UBA6: variants seen among roughly 807,000 people sequenced by gnomAD.
UBA6 encodes ubiquitin-like modifier-activating enzyme 6.
UBA6 carries 87 observed loss-of-function variants against 148.3 expected under a neutral mutation model. The ratio of observed to expected loss-of-function variants is 0.59; its 90% CI spans 0.49 to 0.70. The LOEUF (loss-of-function observed/expected upper bound fraction) is 0.70. Ranked by LOEUF, UBA6 falls within the 30% of genes least tolerant of loss-of-function variation. The pLI, the probability that UBA6 is intolerant of heterozygous loss-of-function variation, is 0.00. For missense variants in UBA6, 1,186 were observed against 1,241.2 expected (o/e 0.96, Z 0.67); for synonymous variants, 376 against 401.0 (o/e 0.94, Z 0.75).
intron 13 of UBA6, among the ~76,000 whole-genome samples, chr4:67,658,233 A>G (rs1729751204): frequency 6.6e-6 from 1 of 152,160 alleles, no homozygotes. Context: ...TATAAAGACA[A>G]ATTCACACGT....
chr4:67,668,425 A>C, intron 9 of UBA6, 126 bp downstream of exon 9: 1 of 837,778 alleles, frequency 1.2e-6, no homozygotes, highest in East Asian at 2.6e-5. Context: ...ACTTGGATCG[A>C]ATATTTTGAG....
chr4:67,639,054 A>C lies in UBA6; in HGVS notation c.1625T>G (p.Leu542Arg). 6.2e-7 allele frequency: 1 copy of C among 1,613,554 alleles called. No homozygotes were observed. Among genetic ancestry groups the C allele is most frequent in the Non-Finnish European group, 8.5e-7 (1 of 1,179,690 alleles). ...CTCAGTGGTTGGACATACTTTGTTC[A>C]GGTGTGCATCTATCTTTATTTGAGA... ...INSQIKIDAH[L>R]NKVCPTTETI... is the part of the protein sequence containing the mutation. The change falls in exon 19 of 33, where the codon CTG (leucine) becomes CGG (arginine). Residue 542 changes from leucine to arginine, a missense_variant. Transcript: ENST00000322244.
In UBA6 at chr4:67,661,069, T is replaced by C. The variant is rs538228410; in HGVS notation, c.1104+1120A>G. Among the ~76,000 whole-genome samples the C allele has an allele frequency of 1.8e-4, 27 of 152,336 alleles. No individual in the cohort carries two copies. In the East Asian group the frequency reaches 5.0e-3, roughly 28 times the overall value. ...TTATCTAATGTCTGTACCCTCACTG[T>C]ATCTAGGAAGTAACTAACTTGCTTC... On this transcript the variant is annotated intron_variant, in intron 13 of 32. Transcript: ENST00000322244.
In UBA6 at chr4:67,673,726, A is replaced by C; in HGVS notation, c.517T>G (p.Phe173Val). 2 of 1,612,058 alleles carry C rather than the reference A, an allele frequency of 1.2e-6. No individual in the cohort carries two copies. The highest frequency in any genetic ancestry group is 1.7e-6 in the Non-Finnish European group (2 of 1,178,618). ...ATTGGAGGGCACTGAGAACGGCAAA[A>C]GTCATTGATCTTCTTCTGCAATGGA... ...KLPLQKKIND[F>V]CRSQCPPIKF... Residue 173 changes from phenylalanine (F) to valine (V), a missense_variant, in exon 7 of 33, where the codon TTT (phenylalanine) becomes GTT (valine). By Grantham distance (50) the Phe-to-Val change is conservative. Transcript: ENST00000322244.
At chr4:67,663,819 TA>T in intron 11 of UBA6, 65 bp downstream of exon 11, 1 of 1,362,368 alleles carries the variant, frequency 7.3e-7, no homozygotes, top group Non-Finnish European at 1.1e-6. Context: ...TTTAACTTCA[TA>T]ATCACTCACT....
chr4:67,659,638 A>ATTTTATATAGGAATATATAAAATATATG (rs1195167201), intron 13 of UBA6, among the ~76,000 whole-genome samples: 54 of 42,620 alleles, frequency 1.3e-3, no homozygotes, highest in South Asian at 1.5e-3. Context: ...TAAAATACAT[A>ATTTTATATAGGAATATATAAAATATATG]TATTTTATAT....
At chr4:67,658,893 C>CA (rs1729771177) in intron 13 of UBA6, among the ~76,000 whole-genome samples, 1 of 152,198 alleles carries the variant, frequency 6.6e-6, no homozygotes, top group African/African-American at 2.4e-5. Context: ...AACTTTTTTG[C>CA]ATTACGGAAT....
chr4:67,624,721 G>T (rs1209108770), intron 29 of UBA6, among the ~76,000 whole-genome samples: 1 of 152,008 alleles, frequency 6.6e-6, no homozygotes, highest in East Asian at 1.9e-4. Flanking sequence ...TGCTTTGTAT[G>T]AATGACGTAA....
In UBA6 at chr4:67,627,726, G is replaced by A. The variant is rs545679634; in HGVS notation, c.2401-1249C>T. Among the ~76,000 whole-genome samples the A allele has an allele frequency of 2.0e-5, 3 of 150,634 alleles. No homozygotes were observed. In the South Asian group the frequency reaches 6.3e-4, roughly 32 times the overall value. On this transcript the variant is annotated intron_variant, in intron 27 of 32. Coordinates refer to ENST00000322244, the MANE Select transcript of UBA6 (RefSeq NM_018227.6). The stretch of plus-strand genomic sequence containing the variant: ...TTTTCCTAAAATAAAAACGCAGAAC[G>A]AAAGACTGCACACGTCACTTCTTTC...
At chr4:67,640,486 T>G (rs1430736780) in intron 18 of UBA6, among the ~76,000 whole-genome samples, 2 of 152,180 alleles carry the variant, frequency 1.3e-5, no homozygotes, top group Non-Finnish European at 2.9e-5. Context: ...TTTAAAACTT[T>G]TTTTTAGGGT....
chr4:67,686,896 G>C (rs1176018788), intron 2 of UBA6, among the ~76,000 whole-genome samples: 7 of 122,814 alleles, frequency 5.7e-5, no homozygotes, highest in African/African-American at 2.2e-4. Flanking sequence ...TGAGGTTACA[G>C]AGAGCTATGA....
chr4:67,683,521 G>A (rs1243168405), intron 2 of UBA6, among the ~76,000 whole-genome samples: 1 of 151,868 alleles, frequency 6.6e-6, no homozygotes, highest in African/African-American at 2.4e-5. Context: ...TTTGAATGCG[G>A]CCCAATACAA....
Position 67,663,162 on chromosome 4 carries a change from T to C in UBA6, c.1014A>G (p.Lys338=), listed in dbSNP as rs778010848. 2 of 1,611,204 alleles carry C rather than the reference T, an allele frequency of 1.2e-6. No individual in the cohort carries two copies. Among genetic ancestry groups the C allele is most frequent in the African/African-American group, 1.3e-5 (1 of 74,814 alleles). The stretch of plus-strand genomic sequence containing the variant: ...ACCCAACATTTGGCTTGCGACTGTA[T>C]TTCTCCTGAAACTGGTCCAAGGCAA... ...AMLALDQFQE[K]YSRKPNVGCQ... is the part of the protein sequence containing the mutation. Residue 338 remains lysine (K), a synonymous_variant, in exon 12 of 33, where the codon AAA becomes AAG. Transcript: ENST00000322244.
At chr4:67,636,301 C>T (rs755183182) in intron 19 of UBA6, among the ~76,000 whole-genome samples, 10 of 152,204 alleles carry the variant, frequency 6.6e-5, no homozygotes, top group Non-Finnish European at 1.5e-4. Context: ...TTATGAAAAT[C>T]ACCATAGGAG....
intron 27 of UBA6, among the ~76,000 whole-genome samples, chr4:67,626,893 C>G: frequency 6.6e-6 from 1 of 151,946 alleles, no homozygotes; most frequent in Non-Finnish European, 1.5e-5. Flanking sequence ...CTTTGTGATT[C>G]TGACAAATCT....
chr4:67,689,033 T>TA (rs1730634503), intron 2 of UBA6, among the ~76,000 whole-genome samples: 2 of 152,136 alleles, frequency 1.3e-5, no homozygotes, highest in African/African-American at 2.4e-5. Flanking sequence ...GGTGCAGAAG[T>TA]GACACACCTT....
intron 14 of UBA6, among the ~76,000 whole-genome samples, chr4:67,647,799 A>C (rs1381130791): frequency 1.4e-5 from 2 of 146,310 alleles, no homozygotes; most frequent in Non-Finnish European, 3.0e-5. Flanking sequence ...TTTGAGACAG[A>C]GTCTCACTCT....
intron 13 of UBA6, among the ~76,000 whole-genome samples, chr4:67,650,436 C>T (rs920053519): frequency 7.2e-5 from 11 of 151,990 alleles, no homozygotes; most frequent in Non-Finnish European, 1.5e-4. Context: ...TTTTTTAGTA[C>T]ACAAACATCT....
intron 20 of UBA6, among the ~76,000 whole-genome samples, chr4:67,634,991 T>C (rs1729102015): frequency 1.3e-5 from 2 of 152,264 alleles, no homozygotes; most frequent in South Asian, 4.1e-4. Context: ...ATTAAATAAA[T>C]GGTAAATACC....
Sources: allele counts gnomAD v4.1 joint callset (sites outside exome capture counted in the v4.1 genomes callset), GRCh38; gene constraint gnomAD v4.1.1; transcripts MANE v1.5; gene names NCBI Gene and HGNC (gene_info 2026-07-23, HGNC 2026-07-21).